The following DNAH12 variants were observed in gnomAD, a reference collection of about 807,000 sequenced individuals.
The protein encoded by DNAH12 is axonemal beta dynein heavy chain 12.
DNAH12 carries 285 observed loss-of-function variants against 371.5 expected under a neutral mutation model. That is an observed-to-expected ratio of 0.77 (90% CI 0.70 to 0.85). DNAH12 has a LOEUF of 0.85. DNAH12 is among the 40% of genes least tolerant of loss of function. DNAH12 has a pLI of 0.00. For synonymous variants in DNAH12, 1,200 were observed against 1,213.0 expected, an observed-to-expected ratio of 0.99 and a Z score of 0.22; for missense variants, 3,611 against 3,689.4, an observed-to-expected ratio of 0.98 and a Z score of 0.55.
chr3:57,314,715 T>C, intron 65 of DNAH12, 84 bp from the exon 66 acceptor site: 1 of 1,382,336 alleles, frequency 7.2e-7, no homozygotes, highest in Non-Finnish European at 9.6e-7. Flanking sequence ...AAATGATCTT[T>C]CTCACAAGAT....
intron 33 of DNAH12, among the ~76,000 whole-genome samples, chr3:57,429,490 C>T (rs1237369434): frequency 6.6e-6 from 1 of 152,154 alleles, no homozygotes; most frequent in Admixed American, 6.5e-5. Context: ...TCTTCACACT[C>T]TTAAAGCACT....
At chr3:57,500,165 C>CT in intron 11 of DNAH12, among the ~76,000 whole-genome samples, 1 of 151,288 alleles carries the variant, frequency 6.6e-6, no homozygotes, top group South Asian at 2.1e-4. Flanking sequence ...TCAGCCCCCC[C>CT]TAGTAGCTGG....
chr3:57,515,458 A>C (rs1327516887), intron 4 of DNAH12, among the ~76,000 whole-genome samples: 7 of 151,904 alleles, frequency 4.6e-5, no homozygotes, highest in Non-Finnish European at 1.0e-4. Context: ...TCAAATTAAT[A>C]ATAAAGCCAG....
chr3:57,434,555 G>A (rs1384870510), intron 30 of DNAH12, among the ~76,000 whole-genome samples: 3 of 152,012 alleles, frequency 2.0e-5, no homozygotes, highest in African/African-American at 7.2e-5. Flanking sequence ...AATAACAGAA[G>A]TTGGTACCTA....
intron 65 of DNAH12, among the ~76,000 whole-genome samples, chr3:57,321,822 G>C (rs1181487323): frequency 6.6e-6 from 1 of 152,136 alleles, no homozygotes; most frequent in East Asian, 1.9e-4. Flanking sequence ...AGGGAAATGA[G>C]TACTCTCTAC....
intron 12 of DNAH12, among the ~76,000 whole-genome samples, chr3:57,486,442 C>T (rs1437156256): frequency 4.6e-5 from 7 of 151,332 alleles, no homozygotes; most frequent in South Asian, 2.1e-4. Flanking sequence ...AAATAGAAAT[C>T]GGTATTGTCA....
chr3:57,307,032 G>A (rs2061486759), intron 69 of DNAH12, among the ~76,000 whole-genome samples: 1 of 152,026 alleles, frequency 6.6e-6, no homozygotes. Context: ...AAACTACCTG[G>A]GCTGTACTGC....
intron 48 of DNAH12, 71 bp downstream of exon 48, chr3:57,385,278 C>T (rs1173577195): frequency 6.6e-6 from 1 of 152,266 alleles, no homozygotes; most frequent in African/African-American, 2.4e-5. Flanking sequence ...AAAACATTAA[C>T]CCTTATTTTC....
At chr3:57,456,759 T>C (rs747053871) in intron 22 of DNAH12, among the ~76,000 whole-genome samples, 17 of 152,174 alleles carry the variant, frequency 1.1e-4, no homozygotes, top group Non-Finnish European at 2.2e-4. Context: ...AATTGAGCTC[T>C]TGATATTCCC....
chr3:57,505,969 C>G (rs2067744348), intron 8 of DNAH12, among the ~76,000 whole-genome samples: 1 of 151,868 alleles, frequency 6.6e-6, no homozygotes, highest in Admixed American at 6.6e-5. Context: ...TGGTCTTGAA[C>G]TCCTGGGCTC....
intron 55 of DNAH12, among the ~76,000 whole-genome samples, chr3:57,370,234 G>C (rs2063141208): frequency 1.3e-5 from 2 of 152,140 alleles, no homozygotes; most frequent in South Asian, 2.1e-4. Context: ...CCACCTAGGA[G>C]ACATAGTAAG....
chr3:57,379,861 A>T (rs1449641816), intron 51 of DNAH12, among the ~76,000 whole-genome samples: 1 of 150,386 alleles, frequency 6.6e-6, no homozygotes, highest in Non-Finnish European at 1.5e-5. Flanking sequence ...AAAAAAAAAA[A>T]AAAAAAAAGA....
At chr3:57,433,243 T>TA in intron 32 of DNAH12, 124 bp downstream of exon 32, 3 of 1,171,466 alleles carry the variant, frequency 2.6e-6, no homozygotes, top group Non-Finnish European at 3.4e-6. Flanking sequence ...TTTATAAACC[T>TA]ACTCAACTTG....
At chr3:57,378,021 C>T (rs2063316981) in intron 52 of DNAH12, among the ~76,000 whole-genome samples, 1 of 152,130 alleles carries the variant, frequency 6.6e-6, no homozygotes, top group South Asian at 2.1e-4. Flanking sequence ...ACAAAATGCC[C>T]TGCTTTCTCT....
chr3:57,305,543 G>C (rs2061452224), intron 69 of DNAH12, among the ~76,000 whole-genome samples: 1 of 152,086 alleles, frequency 6.6e-6, no homozygotes, highest in Non-Finnish European at 1.5e-5. Context: ...CAAGGTTAAT[G>C]CTCCTTTTTC....
chr3:57,462,935 C>A (rs2066099143), intron 17 of DNAH12, 60 bp from the exon 18 acceptor site: 2 of 1,171,784 alleles, frequency 1.7e-6, no homozygotes, highest in South Asian at 1.4e-5. Flanking sequence ...CACATAGATT[C>A]CATAGATGAA....
Position 57,491,099 on chromosome 3 carries a change from A to C in DNAH12, c.1336-1412T>G, listed in dbSNP as rs74933745. ...TCTATCTCAAAAAAAAAAAAAAAAA[A>C]AACAACAAATAAAGGGTAGACAGAA... On this transcript the variant is annotated intron_variant, in intron 11 of 73. Transcript: ENST00000495027. Among the ~76,000 whole-genome samples the C allele has an allele frequency of 6.1e-4, 69 of 112,794 alleles. 2 individuals are homozygous for C. The highest frequency in any genetic ancestry group is 4.4e-3 in the South Asian group (14 of 3,194). The allele number at this position is 112,794 out of a possible 152,430, so 74.0% of individuals were successfully genotyped here.
intron 29 of DNAH12, among the ~76,000 whole-genome samples, chr3:57,440,758 T>C (rs1302013438): frequency 2.0e-5 from 3 of 152,006 alleles, no homozygotes; most frequent in Non-Finnish European, 4.4e-5. Context: ...GAGGCCAAGG[T>C]GAGTGGATGG....
intron 7 of DNAH12, 101 bp downstream of exon 7, chr3:57,508,269 TAAAATCTAGAGA>T: frequency 9.2e-7 from 1 of 1,081,110 alleles, no homozygotes. Context: ...TTTTAAACTC[TAAAATCTAGAGA>T]AAAGTGTTGA....
Sources: gnomAD v4.1 joint callset for allele counts (sites outside exome capture counted in the v4.1 genomes callset) on GRCh38, gnomAD v4.1.1 for gene constraint, MANE v1.5 for transcripts, NCBI Gene and HGNC (gene_info 2026-07-23, HGNC 2026-07-21) for gene names.